The following NTM variants were observed in gnomAD, a reference collection of about 807,000 sequenced individuals.
NTM encodes the protein neurotrimin, also known as IgLON family member 2.
Under a neutral mutation model 42.1 loss-of-function variants are expected in NTM, and 13 were observed. That is an observed-to-expected ratio of 0.31 (90% CI 0.20 to 0.49). NTM has a LOEUF of 0.49. NTM is among the 20% of genes least tolerant of loss of function. The pLI is 0.99. For synonymous variants in NTM, 187 were observed against 179.2 expected (o/e 1.04, Z -0.35); for missense variants, 373 against 452.8 (o/e 0.82, Z 1.60).
At chr11:131,865,368 G>A (rs1378748434) in intron 1 of NTM, among the ~76,000 whole-genome samples, 1 of 152,168 alleles carries the variant, frequency 6.6e-6, no homozygotes, top group African/African-American at 2.4e-5. Flanking sequence ...GTGAAGTTGG[G>A]AGTGTCCAGA....
Position 131,602,398 on chromosome 11 carries a change from C to T in NTM, c.82+231510C>T, listed in dbSNP as rs112843644. Among the ~76,000 whole-genome samples, 148 of 152,292 alleles carry T rather than the reference C, an allele frequency of 9.7e-4. 2 individuals carry two copies. The highest frequency in any genetic ancestry group is 3.4e-3 in the African/African-American group (142 of 41,570). ...GTATCTTACCACTTATTAAATAAGT[C>T]GAAAATATCCTTCTCAAAAAGTCGG... On this transcript the variant is annotated intron_variant, in intron 1 of 8. Transcript: ENST00000683400.
chr11:132,024,100 G>A (rs1446605408), intron 2 of NTM, among the ~76,000 whole-genome samples: 2 of 151,984 alleles, frequency 1.3e-5, no homozygotes, highest in East Asian at 1.9e-4. Flanking sequence ...TTACAGGTGT[G>A]AGCTACTGCA....
intron 1 of NTM, among the ~76,000 whole-genome samples, chr11:131,650,381 C>A (rs965692532): frequency 6.6e-6 from 1 of 152,170 alleles, no homozygotes; most frequent in Non-Finnish European, 1.5e-5. Context: ...TTACTGACCT[C>A]ATTGGATGAT....
intron 4 of NTM, among the ~76,000 whole-genome samples, chr11:132,237,301 C>A (rs1453274515): frequency 6.6e-6 from 1 of 152,170 alleles, no homozygotes; most frequent in Non-Finnish European, 1.5e-5. Flanking sequence ...GACTTACGCT[C>A]TCGGCTCCAC....
At chr11:132,209,625 A>G (rs2082513597) in intron 3 of NTM, among the ~76,000 whole-genome samples, 1 of 152,228 alleles carries the variant, frequency 6.6e-6, no homozygotes, top group Non-Finnish European at 1.5e-5. Flanking sequence ...GTTACATAAA[A>G]GTTTACTTTA....
chr11:131,538,921 C>CTTTTT (rs58463755), intron 1 of NTM, among the ~76,000 whole-genome samples: 49,784 of 100,906 alleles, frequency 0.49, 12,035 homozygotes, highest in Non-Finnish European at 0.64. Flanking sequence ...GTTAACTTAG[C>CTTTTT]TTTTTTTTTT....
At chr11:132,166,964 A>AG (rs1294513967) in intron 3 of NTM, among the ~76,000 whole-genome samples, 1 of 152,218 alleles carries the variant, frequency 6.6e-6, no homozygotes, top group Non-Finnish European at 1.5e-5. Flanking sequence ...GGTCAAGCTA[A>AG]GATTTCTCCC....
intron 2 of NTM, among the ~76,000 whole-genome samples, chr11:131,995,161 C>G (rs1231585792): frequency 1.3e-5 from 2 of 152,162 alleles, no homozygotes; most frequent in Non-Finnish European, 2.9e-5. Flanking sequence ...ATGGATGATC[C>G]ATGGTAAGGA....
At chr11:131,818,756 C>T (rs772844600) in intron 1 of NTM, among the ~76,000 whole-genome samples, 9 of 152,266 alleles carry the variant, frequency 5.9e-5, no homozygotes, top group Non-Finnish European at 1.0e-4. Context: ...TTTACACTTA[C>T]CGATCATCTG....
At chr11:131,838,987 G>C (rs1433864870) in intron 1 of NTM, among the ~76,000 whole-genome samples, 1 of 148,590 alleles carries the variant, frequency 6.7e-6, no homozygotes, top group Non-Finnish European at 1.5e-5. Context: ...TTTAGATGGA[G>C]TCTCGCACTG....
In NTM at chr11:132,307,705, T is replaced by G; in HGVS notation, c.543T>G (p.Ser181Arg). 6.2e-7 allele frequency: 1 copy of G among 1,614,218 alleles called. No homozygotes were observed. Among genetic ancestry groups the G allele is most frequent in the Non-Finnish European group, 8.5e-7 (1 of 1,180,038 alleles). ...HISPKAVGFV[S>R]EDEYLEIQGI... The stretch of plus-strand genomic sequence containing the variant: ...TTCCCGCAGCGGTTGGCTTTGTGAG[T>G]GAAGACGAATACTTGGAAATTCAGG... Residue 181 changes from serine to arginine, a missense_variant, in exon 5 of 9, where the codon AGT becomes AGG. Coordinates refer to ENST00000683400, the MANE Select transcript of NTM (RefSeq NM_001352005.2).
At chr11:132,331,626 T>C (rs2095801909) in intron 8 of NTM, among the ~76,000 whole-genome samples, 1 of 152,188 alleles carries the variant, frequency 6.6e-6, no homozygotes, top group Non-Finnish European at 1.5e-5. Flanking sequence ...AGATACAGAC[T>C]CTGCTCTTAA....
intron 1 of NTM, among the ~76,000 whole-genome samples, chr11:131,594,084 A>G (rs2059614879): frequency 6.6e-6 from 1 of 152,234 alleles, no homozygotes; most frequent in Non-Finnish European, 1.5e-5. Context: ...CTCTAAATGC[A>G]TAAGGATGGT....
At chr11:131,703,632 C>T (rs2076288937) in intron 1 of NTM, among the ~76,000 whole-genome samples, 2 of 152,210 alleles carry the variant, frequency 1.3e-5, no homozygotes, top group Admixed American at 6.5e-5. Flanking sequence ...AACACTTTCA[C>T]AGGAGCCAAA....
intron 1 of NTM, among the ~76,000 whole-genome samples, chr11:131,519,602 G>A (rs1164932111): frequency 1.3e-5 from 2 of 149,260 alleles, no homozygotes; most frequent in Non-Finnish European, 3.0e-5. Flanking sequence ...GCACCTGAGA[G>A]GTGAACCTGC....
At position 131,774,128 on chromosome 11, in the gene NTM, C is replaced by T. The variant is rs978644189; in HGVS notation, c.83-137436C>T. ...CAAGCTTACAGTACTTAATCATCAG[C>T]GAATTCTTCATAAATGTCAGTGGGA... On this transcript the variant is annotated intron_variant, in intron 1 of 8. Coordinates refer to ENST00000683400, the MANE Select transcript of NTM (RefSeq NM_001352005.2). 2.5e-5 allele frequency: 25 copies of T among 984,872 alleles called. No individual in the cohort carries two copies. In the Admixed American group the frequency reaches 6.8e-4, roughly 27 times the overall value. The allele number at this position is 984,872 out of a possible 1,614,324, so 61.0% of individuals were successfully genotyped here.
chr11:132,207,363 A>G (rs1193744829), intron 3 of NTM, among the ~76,000 whole-genome samples: 1 of 152,080 alleles, frequency 6.6e-6, no homozygotes, highest in Non-Finnish European at 1.5e-5. Flanking sequence ...TGAAAATCTA[A>G]TGCCTGATGA....
chr11:131,789,527 GAAGAAGAAGAAGAAGAAGAAAAGA>G lies in NTM; in HGVS notation c.83-122035_83-122012del, dbSNP rs2090196587. Among the ~76,000 whole-genome samples, 4 of 22,734 alleles carry G rather than the reference GAAGAAGAAGAAGAAGAAGAAAAGA, an allele frequency of 1.8e-4. 1 individual carries two copies. The highest frequency in any genetic ancestry group is 9.8e-4 in the African/African-American group (4 of 4,066). The allele number at this position is 22,734 out of a possible 152,430, so 14.9% of individuals were successfully genotyped here. A position where few individuals can be genotyped will look rare whatever the true frequency, so the allele number is the denominator to read the frequency against. ...AGAAGAAGAAGAAGAAGAAGAAGAA[GAAGAAGAAGAAGAAGAAGAAAAGA>G]AGAAGAAGAAGAAGAAGAAGAAGAA... On this transcript the variant is annotated intron_variant, in intron 1 of 8. Coordinates refer to ENST00000683400, the MANE Select transcript of NTM (RefSeq NM_001352005.2).
intron 4 of NTM, among the ~76,000 whole-genome samples, chr11:132,214,292 G>A (rs1463265633): frequency 1.3e-5 from 2 of 152,166 alleles, no homozygotes; most frequent in Non-Finnish European, 2.9e-5. Flanking sequence ...AGTGCTGGCG[G>A]ATGCCAGCCC....
Sources: allele counts gnomAD v4.1 joint callset (sites outside exome capture counted in the v4.1 genomes callset), GRCh38; gene constraint gnomAD v4.1.1; transcripts MANE v1.5; gene names NCBI Gene and HGNC (gene_info 2026-07-23, HGNC 2026-07-21).